Variants in ESR1 observed in about 807,000 individuals in gnomAD.
ESR1 encodes estrogen receptor 1, also known as estrogen receptor.
In ESR1, 12 loss-of-function variants were observed where a neutral mutation model predicts 52.7. The observed-to-expected ratio is 0.23, with a 90% CI of 0.15 to 0.37. ESR1 has a LOEUF of 0.37. Ranked by LOEUF, ESR1 falls within the 10% of genes least tolerant of loss-of-function variation. The pLI is 1.00. For missense variants in ESR1, 584 were observed against 779.7 expected (o/e 0.75, Z 2.99); for synonymous variants, 305 against 316.8 (o/e 0.96, Z 0.39).
At chr6:152,007,486 G>GCAGTAAT (rs1334552919) in intron 4 of ESR1, among the ~76,000 whole-genome samples, 1 of 151,948 alleles carries the variant, frequency 6.6e-6, no homozygotes, top group Non-Finnish European at 1.5e-5. Context: ...CCATATGCGG[G>GCAGTAAT]GTGAGGAGTG....
At chr6:152,074,919 AT>A (rs1469724722) in intron 6 of ESR1, among the ~76,000 whole-genome samples, 2 of 152,056 alleles carry the variant, frequency 1.3e-5, no homozygotes, top group East Asian at 1.9e-4. Flanking sequence ...TCTTTGGTCC[AT>A]TTTTTTAATC....
At chr6:151,815,735 C>T (rs1056071091) in intron 1 of ESR1, among the ~76,000 whole-genome samples, 6 of 152,204 alleles carry the variant, frequency 3.9e-5, no homozygotes, top group Admixed American at 1.3e-4. Context: ...TCAACACTCA[C>T]GGTGCTTTCT....
At chr6:151,968,522 G>A (rs571450044) in intron 4 of ESR1, among the ~76,000 whole-genome samples, 109 of 152,210 alleles carry the variant, frequency 7.2e-4, no homozygotes, top group Admixed American at 1.4e-3. Flanking sequence ...CAATCTATCC[G>A]TCTGACAAAT....
intron 1 of ESR1, among the ~76,000 whole-genome samples, chr6:151,841,245 G>C (rs1015429011): frequency 5.9e-5 from 9 of 152,128 alleles, no homozygotes; most frequent in Admixed American, 3.3e-4. Context: ...TCATTTTCTT[G>C]GGTCTTATAT....
At chr6:151,718,784 C>T (rs991115872) in intron 2 of ESR1, among the ~76,000 whole-genome samples, 4 of 152,158 alleles carry the variant, frequency 2.6e-5, no homozygotes, top group African/African-American at 4.8e-5. Context: ...GCTCAGAGTC[C>T]GGTTGGAAGC....
intron 2 of ESR1, among the ~76,000 whole-genome samples, chr6:151,875,935 T>C (rs1291577759): frequency 6.6e-6 from 1 of 152,092 alleles, no homozygotes; most frequent in Non-Finnish European, 1.5e-5. Flanking sequence ...AGTGGCCTGA[T>C]GGCGTATGAT....
intron 2 of ESR1, among the ~76,000 whole-genome samples, chr6:151,742,597 T>C (rs1783183441): frequency 6.6e-6 from 1 of 152,158 alleles, no homozygotes; most frequent in Non-Finnish European, 1.5e-5. Flanking sequence ...TTGCTTAACC[T>C]CTCTGTGCCT....
chr6:152,097,474 G>A (rs796411103), intron 7 of ESR1, among the ~76,000 whole-genome samples: 7 of 151,952 alleles, frequency 4.6e-5, no homozygotes, highest in African/African-American at 1.7e-4. Context: ...TTGATGTTGT[G>A]TTTTCATGGC....
At chr6:151,698,230 G>A (rs1219579258) in intron 1 of ESR1, among the ~76,000 whole-genome samples, 2 of 152,020 alleles carry the variant, frequency 1.3e-5, no homozygotes, top group Non-Finnish European at 2.9e-5. Context: ...GCCAGGTGTG[G>A]TGGTGCACGC....
chr6:151,665,539 A>G (rs933888142), intron 1 of ESR1, among the ~76,000 whole-genome samples: 2 of 152,154 alleles, frequency 1.3e-5, no homozygotes, highest in Non-Finnish European at 2.9e-5. Context: ...GATTTTGACC[A>G]CGTGTGCACA....
At chr6:152,071,957 A>G (rs998138047) in intron 6 of ESR1, among the ~76,000 whole-genome samples, 12 of 152,206 alleles carry the variant, frequency 7.9e-5, no homozygotes, top group African/African-American at 2.9e-4. Context: ...CATATTGCCT[A>G]CTGCCCCAGG....
At chr6:151,753,204 A>C (rs1442991795) in intron 2 of ESR1, among the ~76,000 whole-genome samples, 1 of 152,140 alleles carries the variant, frequency 6.6e-6, no homozygotes, top group African/African-American at 2.4e-5. Context: ...ACAAACTGTC[A>C]CTATTTTGGT....
upstream of ESR1, among the ~76,000 whole-genome samples, chr6:151,803,604 A>AT (rs1200358278): frequency 6.6e-6 from 1 of 152,196 alleles, no homozygotes; most frequent in African/African-American, 2.4e-5. Context: ...CAGTAAAAAA[A>AT]AATCCAAGAA....
chr6:151,986,897 G>A (rs1249569701), intron 4 of ESR1, among the ~76,000 whole-genome samples: 1 of 151,772 alleles, frequency 6.6e-6, no homozygotes, highest in Non-Finnish European at 1.5e-5. Flanking sequence ...GAGTATGTGT[G>A]TGAGCATGTG....
At chr6:151,925,095 C>G (rs1314324869) in intron 3 of ESR1, among the ~76,000 whole-genome samples, 1 of 151,860 alleles carries the variant, frequency 6.6e-6, no homozygotes, top group Non-Finnish European at 1.5e-5. Context: ...TAAGTCTTCC[C>G]TTTTCTCCAT....
chr6:152,066,023 G>C (rs1449380073), intron 6 of ESR1, among the ~76,000 whole-genome samples: 1 of 152,196 alleles, frequency 6.6e-6, no homozygotes, highest in Non-Finnish European at 1.5e-5. Flanking sequence ...AAGGGACTAT[G>C]GAATGTCAAA....
At chr6:151,777,683 G>A (rs1169746068) in intron 2 of ESR1, among the ~76,000 whole-genome samples, 1 of 152,168 alleles carries the variant, frequency 6.6e-6, no homozygotes, top group African/African-American at 2.4e-5. Flanking sequence ...AATAGGGCTG[G>A]GTATAGTGGC....
At chr6:151,738,913 C>T (rs1268920633) in intron 2 of ESR1, among the ~76,000 whole-genome samples, 1 of 152,126 alleles carries the variant, frequency 6.6e-6, no homozygotes, top group Non-Finnish European at 1.5e-5. Flanking sequence ...AATGTTGATA[C>T]TCTGATTACC....
intron 1 of ESR1, among the ~76,000 whole-genome samples, chr6:151,824,180 G>C (rs12171558): frequency 0.22 from 33,588 of 151,682 alleles, 4,631 homozygotes; most frequent in African/African-American, 0.4. Flanking sequence ...GGTGTGAGAT[G>C]ATATCTCATT....
Sources: gnomAD v4.1 joint callset for allele counts (sites outside exome capture counted in the v4.1 genomes callset) on GRCh38, gnomAD v4.1.1 for gene constraint, MANE v1.5 for transcripts, NCBI Gene and HGNC (gene_info 2026-07-23, HGNC 2026-07-21) for gene names.